Variants in DLG2 observed in about 807,000 individuals in gnomAD.
DLG2 encodes the protein disks large homolog 2.
Under a neutral mutation model 132.5 loss-of-function variants are expected in DLG2, and 45 were observed. That is an observed-to-expected ratio of 0.34 (90% CI 0.27 to 0.44). The LOEUF (loss-of-function observed/expected upper bound fraction) is 0.44, where lower values mean the gene tolerates loss of function less well. Among genes scored for constraint, DLG2 ranks in the 20% least tolerant of loss-of-function variants. The pLI, the probability that DLG2 is intolerant of heterozygous loss-of-function variation, is 1.00. For synonymous variants in DLG2, 424 were observed against 419.6 expected (o/e 1.01, Z -0.13); for missense variants, 1,045 against 1,196.9 (o/e 0.87, Z 1.87).
intron 6 of DLG2, among the ~76,000 whole-genome samples, chr11:85,096,529 A>T (rs1009009854): frequency 1.9e-4 from 28 of 150,860 alleles, no homozygotes; most frequent in African/African-American, 6.8e-4. Flanking sequence ...CTGAAGGAAC[A>T]AACTCTGGAC....
At chr11:85,074,037 A>T (rs2154168423) in intron 6 of DLG2, among the ~76,000 whole-genome samples, 1 of 151,972 alleles carries the variant, frequency 6.6e-6, no homozygotes, top group Admixed American at 6.6e-5. Context: ...TGGGAGCTAA[A>T]CATTGAGTAT....
At chr11:83,535,595 A>G (rs2095859985) in intron 20 of DLG2, among the ~76,000 whole-genome samples, 1 of 152,056 alleles carries the variant, frequency 6.6e-6, no homozygotes, top group South Asian at 2.1e-4. Flanking sequence ...AGACACACAC[A>G]CATACACTCA....
At chr11:84,282,931 C>G (rs1055196940) in intron 7 of DLG2, among the ~76,000 whole-genome samples, 9 of 152,156 alleles carry the variant, frequency 5.9e-5, no homozygotes, top group Non-Finnish European at 1.2e-4. Context: ...TAAACATCAA[C>G]AATCCCATTT....
intron 3 of DLG2, among the ~76,000 whole-genome samples, chr11:85,429,427 A>C (rs982528085): frequency 1.2e-4 from 19 of 152,196 alleles, no homozygotes; most frequent in African/African-American, 4.3e-4. Context: ...ACAGGAACCT[A>C]CAGAATGGGA....
At chr11:84,448,385 G>A (rs1414878885) in intron 7 of DLG2, among the ~76,000 whole-genome samples, 1 of 152,028 alleles carries the variant, frequency 6.6e-6, no homozygotes, top group Non-Finnish European at 1.5e-5. Flanking sequence ...ACATTTATGA[G>A]CAATAATTAA....
chr11:84,051,379 G>A (rs1359940300), intron 11 of DLG2, among the ~76,000 whole-genome samples: 2 of 151,858 alleles, frequency 1.3e-5, no homozygotes, highest in South Asian at 2.1e-4. Flanking sequence ...CAACCCAAAT[G>A]TCCAACAATG....
intron 6 of DLG2, among the ~76,000 whole-genome samples, chr11:84,710,406 T>A (rs765864985): frequency 6.6e-6 from 1 of 151,774 alleles, no homozygotes; most frequent in Non-Finnish European, 1.5e-5. Flanking sequence ...CAAATGGAGA[T>A]TTTCACCAAA....
chr11:84,234,890 A>G (rs2097139499), intron 8 of DLG2, among the ~76,000 whole-genome samples: 1 of 152,248 alleles, frequency 6.6e-6, no homozygotes, highest in Admixed American at 6.5e-5. Context: ...TTCTGTAGAA[A>G]ATCCCCTCCC....
intron 3 of DLG2, among the ~76,000 whole-genome samples, chr11:85,589,633 G>A (rs886393430): frequency 6.6e-6 from 1 of 152,116 alleles, no homozygotes; most frequent in Non-Finnish European, 1.5e-5. Flanking sequence ...GGGAAAGCCA[G>A]TAGCGATAGG....
At chr11:84,446,200 T>C (rs11234029) in intron 7 of DLG2, among the ~76,000 whole-genome samples, 31,409 of 152,010 alleles carry the variant, frequency 0.21, 5,233 homozygotes, top group African/African-American at 0.45. Context: ...TTTAATCAAT[T>C]GTTTATACCA....
At chr11:84,114,498 G>A (rs1055807051) in intron 9 of DLG2, among the ~76,000 whole-genome samples, 1 of 152,138 alleles carries the variant, frequency 6.6e-6, no homozygotes, top group Admixed American at 6.5e-5. Context: ...GAGGAGGGGA[G>A]GATGGAGATG....
intron 3 of DLG2, among the ~76,000 whole-genome samples, chr11:85,409,562 T>G (rs2089123439): frequency 1.3e-5 from 2 of 151,884 alleles, no homozygotes; most frequent in South Asian, 4.1e-4. Flanking sequence ...TCAATGGATC[T>G]TGGAAGGAAA....
chr11:85,258,132 T>G (rs550369595), intron 4 of DLG2, among the ~76,000 whole-genome samples: 1 of 152,316 alleles, frequency 6.6e-6, no homozygotes, highest in South Asian at 2.1e-4. Flanking sequence ...TAGAGTAATA[T>G]GTAATTTGTG....
chr11:85,479,216 T>C (rs1333984458), intron 3 of DLG2, among the ~76,000 whole-genome samples: 2 of 152,218 alleles, frequency 1.3e-5, no homozygotes, highest in East Asian at 1.9e-4. Flanking sequence ...ACAATAAACA[T>C]TTACTTCTCA....
intron 18 of DLG2, among the ~76,000 whole-genome samples, chr11:83,635,265 G>C (rs1008076492): frequency 4.6e-5 from 7 of 152,122 alleles, no homozygotes; most frequent in African/African-American, 1.7e-4. Context: ...GAAAAATAAA[G>C]ATACGATACT....
chr11:83,947,446 T>C (rs1483401), intron 14 of DLG2, among the ~76,000 whole-genome samples: 87,720 of 152,006 alleles, frequency 0.58, 26,922 homozygotes, highest in Non-Finnish European at 0.7. Flanking sequence ...ACAAGTGTAG[T>C]GTAAATGTAT....
intron 6 of DLG2, among the ~76,000 whole-genome samples, chr11:84,814,079 T>G (rs979878684): frequency 9.9e-5 from 15 of 152,114 alleles, no homozygotes; most frequent in African/African-American, 3.4e-4. Flanking sequence ...CCTCTTAAAA[T>G]TACACTGCTG....
intron 10 of DLG2, among the ~76,000 whole-genome samples, chr11:84,060,195 T>G (rs150839525): frequency 6.6e-6 from 1 of 151,944 alleles, no homozygotes; most frequent in Non-Finnish European, 1.5e-5. Context: ...TGCCTGTAGT[T>G]CAGCTACTTG....
chr11:83,610,343 G>C (rs1307564517), intron 19 of DLG2, among the ~76,000 whole-genome samples: 1 of 152,186 alleles, frequency 6.6e-6, no homozygotes, highest in Non-Finnish European at 1.5e-5. Context: ...CTCAAAGCTA[G>C]GTCCATGGTG....
Sources: allele counts gnomAD v4.1 joint callset (sites outside exome capture counted in the v4.1 genomes callset), GRCh38; gene constraint gnomAD v4.1.1; transcripts MANE v1.5; gene names NCBI Gene and HGNC (gene_info 2026-07-23, HGNC 2026-07-21).